Variants in GAD2 observed in about 807,000 individuals in gnomAD.
GAD2 encodes the protein glutamate decarboxylase 2.
GAD2 carries 22 observed loss-of-function variants against 80.1 expected under a neutral mutation model. The ratio of observed to expected loss-of-function variants is 0.27; its 90% CI spans 0.20 to 0.39. The LOEUF (loss-of-function observed/expected upper bound fraction) is 0.39, where lower values mean the gene tolerates loss of function less well. Ranked by LOEUF, GAD2 falls within the 10% of genes least tolerant of loss-of-function variation. The probability of loss-of-function intolerance (pLI) is 1.00; values close to 1 mark genes in which losing one functional copy is unlikely to be tolerated. For missense variants in GAD2, 624 were observed against 738.4 expected, an observed-to-expected ratio of 0.85 and a Z score of 1.80; for synonymous variants, 274 against 256.9, an observed-to-expected ratio of 1.07 and a Z score of -0.64.
intron 11 of GAD2, among the ~76,000 whole-genome samples, chr10:26,277,563 G>A (rs1016165888): frequency 1.3e-5 from 2 of 152,188 alleles, no homozygotes; most frequent in African/African-American, 2.4e-5. Context: ...GGGAGCCAGG[G>A]ACAGACTAGA....
At chr10:26,295,305 C>T (rs935276456) in intron 15 of GAD2, among the ~76,000 whole-genome samples, 1 of 152,170 alleles carries the variant, frequency 6.6e-6, no homozygotes, top group Non-Finnish European at 1.5e-5. Context: ...AATGAATTCT[C>T]CTGATTTTTC....
At chr10:26,295,789 G>A (rs746046502) in intron 15 of GAD2, among the ~76,000 whole-genome samples, 13 of 152,176 alleles carry the variant, frequency 8.5e-5, no homozygotes, top group East Asian at 1.9e-4. Flanking sequence ...GGTCCAGGCC[G>A]ATATAGACTC....
intron 15 of GAD2, among the ~76,000 whole-genome samples, chr10:26,298,030 T>C (rs1420424557): frequency 1.3e-5 from 2 of 152,236 alleles, no homozygotes; most frequent in African/African-American, 2.4e-5. Context: ...GTGCACCGCA[T>C]CTATAAGCTG....
At position 26,224,448 on chromosome 10, in the gene GAD2, T is replaced by C. The variant is rs1303314373; in HGVS notation, c.612-91T>C. 6 of 833,124 alleles carry C rather than the reference T, an allele frequency of 7.2e-6. No homozygotes were observed. The South Asian group carries it at 7.3e-5, about 10-fold the overall frequency. The allele number at this position is 833,124 out of a possible 1,614,324, so 51.6% of individuals were successfully genotyped here. A position where few individuals can be genotyped will look rare whatever the true frequency, so the allele number is the denominator to read the frequency against. On this transcript the variant is annotated intron_variant, in intron 5 of 15. Transcript: ENST00000376261. Reference sequence around the variant, plus strand: ...TCATAACACTTGTAAATGTATGTTTTGAAAAAGGAAATAGTTCTGTAGCTA... The same window carrying C: ...TCATAACACTTGTAAATGTATGTTTCGAAAAAGGAAATAGTTCTGTAGCTA...
intron 15 of GAD2, 70 bp downstream of exon 15, chr10:26,293,061 T>C: frequency 7.8e-7 from 1 of 1,277,682 alleles, no homozygotes; most frequent in Non-Finnish European, 1.1e-6. Context: ...CTTTATGACA[T>C]ATGCCTGTGG....
At chr10:26,297,506 G>A (rs1035405976) in intron 15 of GAD2, among the ~76,000 whole-genome samples, 5 of 152,168 alleles carry the variant, frequency 3.3e-5, no homozygotes, top group Non-Finnish European at 5.9e-5. Context: ...AATTATTAAG[G>A]CAGGCCCAAA....
intron 7 of GAD2, among the ~76,000 whole-genome samples, chr10:26,245,163 AAAAAAAG>A (rs1169539181): frequency 0.019 from 2,920 of 149,792 alleles, 38 homozygotes; most frequent in African/African-American, 0.037. Context: ...CAAAAAAAAA[AAAAAAAG>A]AAAAAAGAAA....
chr10:26,229,027 T>C (rs1302259568), intron 6 of GAD2, among the ~76,000 whole-genome samples: 3 of 151,938 alleles, frequency 2.0e-5, no homozygotes, highest in Non-Finnish European at 4.4e-5. Context: ...CCGTCTCTAC[T>C]AAAAATACAC....
At chr10:26,281,574 G>C (rs866126494) in intron 12 of GAD2, among the ~76,000 whole-genome samples, 2 of 152,162 alleles carry the variant, frequency 1.3e-5, no homozygotes, top group African/African-American at 4.8e-5. Flanking sequence ...TCTGATTACA[G>C]ATGATTACAG....
chr10:26,293,082 C>A, intron 15 of GAD2, 91 bp downstream of exon 15: 2 of 1,033,508 alleles, frequency 1.9e-6, no homozygotes, highest in Non-Finnish European at 3.0e-6. Context: ...CCTTAGGAGA[C>A]AGCCTACCTG....
chr10:26,299,564 A>G (rs1564674859), intron 15 of GAD2, among the ~76,000 whole-genome samples: 1 of 152,198 alleles, frequency 6.6e-6, no homozygotes, highest in Non-Finnish European at 1.5e-5. Context: ...GCTACTCTTT[A>G]TAGCAATAAG....
rs140050567 is a variant in GAD2, at chr10:26,301,004, T to A, written c.*43T>A. ...CTGTTCCACTTCTCTAGGTAGACAA[T>A]TAAGTTGTCACAAACTGTGTGAATG... On this transcript the variant is annotated 3_prime_UTR_variant, in exon 16 of 16. Transcript: ENST00000376261. The A allele has an allele frequency of 3.6e-5, 54 of 1,504,904 alleles. No individual in the cohort carries two copies. In the East Asian group the frequency reaches 4.1e-4, roughly 11 times the overall value. The allele number at this position is 1,504,904 out of a possible 1,614,324, so 93.2% of individuals were successfully genotyped here.
intron 7 of GAD2, among the ~76,000 whole-genome samples, chr10:26,245,218 G>T (rs1451423868): frequency 6.6e-6 from 1 of 151,044 alleles, no homozygotes; most frequent in African/African-American, 2.5e-5. Context: ...TCGGGGCTGG[G>T]GTTGGGGGTG....
intron 8 of GAD2, among the ~76,000 whole-genome samples, chr10:26,261,792 C>T (rs1281201243): frequency 2.0e-5 from 3 of 152,150 alleles, no homozygotes; most frequent in Non-Finnish European, 2.9e-5. Context: ...TCCTTCTCCT[C>T]ATCCACTTCC....
At chr10:26,259,955 A>T (rs1383399089) in intron 8 of GAD2, among the ~76,000 whole-genome samples, 1 of 152,202 alleles carries the variant, frequency 6.6e-6, no homozygotes, top group East Asian at 1.9e-4. Context: ...GAAGCCACAC[A>T]TATTCATTGT....
intron 8 of GAD2, among the ~76,000 whole-genome samples, chr10:26,260,013 T>C (rs1844990613): frequency 6.6e-6 from 1 of 152,174 alleles, no homozygotes; most frequent in South Asian, 2.1e-4. Flanking sequence ...GTCATAGTAT[T>C]TGATGGCATG....
Position 26,226,356 on chromosome 10 carries a change from G to T in GAD2, c.724+1705G>T, listed in dbSNP as rs963230248. On this transcript the variant is annotated intron_variant, in intron 6 of 15. Transcript: ENST00000376261. ...TAATGGGGGATTTTCACATGGAGAAGACTTCAGCTTGAGCATGGGAATTAT... is the reference window on the plus strand; with the variant it reads ...TAATGGGGGATTTTCACATGGAGAATACTTCAGCTTGAGCATGGGAATTAT... 2.6e-5 allele frequency among the ~76,000 whole-genome samples: 4 copies of T among 152,332 alleles called. No homozygotes were observed. The East Asian group carries it at 7.7e-4, about 29-fold the overall frequency.
chr10:26,258,774 C>G (rs2132297153), intron 8 of GAD2, among the ~76,000 whole-genome samples: 1 of 110,266 alleles, frequency 9.1e-6, no homozygotes, highest in Admixed American at 8.9e-5. Context: ...TTTATCCGTT[C>G]ATCCATTTAT....
chr10:26,258,106 G>A (rs939183346), intron 8 of GAD2, among the ~76,000 whole-genome samples: 10 of 152,218 alleles, frequency 6.6e-5, no homozygotes, highest in African/African-American at 1.7e-4. Context: ...AGTTTATGCC[G>A]TGCCAGGCAC....
Sources: gnomAD v4.1 joint callset for allele counts (sites outside exome capture counted in the v4.1 genomes callset) on GRCh38, gnomAD v4.1.1 for gene constraint, MANE v1.5 for transcripts, NCBI Gene and HGNC (gene_info 2026-07-23, HGNC 2026-07-21) for gene names.